UBP1: variants seen among roughly 807,000 people sequenced by gnomAD.
UBP1 encodes upstream-binding protein 1.
Under a neutral mutation model 76.1 loss-of-function variants are expected in UBP1, and 22 were observed. The observed-to-expected ratio is 0.29, with a 90% CI of 0.21 to 0.41. The LOEUF (loss-of-function observed/expected upper bound fraction) is 0.41. Among genes scored for constraint, UBP1 ranks in the 10% least tolerant of loss-of-function variants. UBP1 has a pLI of 1.00. For missense variants in UBP1, 436 were observed against 668.1 expected (o/e 0.65, Z 3.83); for synonymous variants, 224 against 237.1 (o/e 0.94, Z 0.51).
intron 8 of UBP1, among the ~76,000 whole-genome samples, chr3:33,408,396 G>A (rs1442452275): frequency 6.6e-6 from 1 of 152,070 alleles, no homozygotes; most frequent in Non-Finnish European, 1.5e-5. Flanking sequence ...GAGAGGGAGG[G>A]AAGGAGGAAG....
Position 33,410,667 on chromosome 3 carries a change from A to C in UBP1, c.555+914T>G, listed in dbSNP as rs532455174. On this transcript the variant is annotated intron_variant, in intron 5 of 15. Coordinates refer to ENST00000283629, the MANE Select transcript of UBP1 (RefSeq NM_014517.5). ...AAATTTGAACATTGTGGGTATTAGA[A>C]TCACTATTTTTTTTAAACACAGAAT... Among the ~76,000 whole-genome samples the C allele has an allele frequency of 7.2e-5, 11 of 152,318 alleles. No individual in the cohort carries two copies. In the East Asian group the frequency reaches 1.3e-3, roughly 19 times the overall value.
intron 2 of UBP1, 107 bp from the exon 3 acceptor site, chr3:33,416,941 T>C (rs915585070): frequency 1.9e-5 from 18 of 941,964 alleles, no homozygotes; most frequent in African/African-American, 1.7e-4. Flanking sequence ...ACAATGATAG[T>C]TTGTTAATTT....
intron 8 of UBP1, chr3:33,403,590 C>G (rs1487535246): frequency 6.6e-6 from 1 of 152,110 alleles, no homozygotes; most frequent in Non-Finnish European, 1.5e-5. Context: ...GTCTGTCTAT[C>G]TATCTATCTA....
intron 10 of UBP1, 55 bp downstream of exon 10, chr3:33,400,907 C>A: frequency 1.3e-6 from 2 of 1,548,894 alleles, no homozygotes; most frequent in Non-Finnish European, 1.7e-6. Flanking sequence ...AAAACCAAAA[C>A]TTTAAAATGT....
intron 15 of UBP1, chr3:33,391,471 A>G (rs531010250): frequency 6.6e-6 from 1 of 152,328 alleles, no homozygotes; most frequent in African/African-American, 2.4e-5. Flanking sequence ...GATATGCTGA[A>G]GGTTTCCAAA....
intron 1 of UBP1, among the ~76,000 whole-genome samples, chr3:33,438,424 TCACTAGAGAAG>T (rs1285628057): frequency 6.6e-6 from 1 of 152,190 alleles, no homozygotes; most frequent in Non-Finnish European, 1.5e-5. Flanking sequence ...GAGTGCGTTT[TCACTAGAGAAG>T]CACTGCCTCT....
In UBP1 at chr3:33,411,600, C is replaced by A. The variant is rs749748973; in HGVS notation, c.536G>T (p.Arg179Leu). ...AVEFLWDPAK[R>L]TSAFIQVHCI... ...CCAAACCTGAATGAAAGCAGAGGTG[C>A]GTTTTGCTGGGTCCCACAGAAATTC... is the stretch of plus-strand genomic sequence containing the variant. The change falls in exon 5 of 16, where the codon CGC (arginine) becomes CTC (leucine). Residue 179 changes from arginine to leucine, a missense_variant. Transcript: ENST00000283629. 1 of 1,614,072 alleles carries A rather than the reference C, an allele frequency of 6.2e-7. No homozygotes were observed.
intron 2 of UBP1, among the ~76,000 whole-genome samples, chr3:33,420,531 C>T (rs549959028): frequency 7.0e-6 from 1 of 142,922 alleles, no homozygotes; most frequent in East Asian, 2.1e-4. Flanking sequence ...ACACTGCCAT[C>T]AGGCTGGAGT....
chr3:33,425,889 A>C, intron 1 of UBP1, 148 bp from the exon 2 acceptor site: 1 of 647,104 alleles, frequency 1.5e-6, no homozygotes, highest in Non-Finnish European at 2.4e-6. Context: ...ATCAGAAATT[A>C]TATGTAGAAT....
intron 10 of UBP1, 103 bp downstream of exon 10, chr3:33,400,859 T>A (rs2044200182): frequency 3.6e-6 from 4 of 1,103,644 alleles, no homozygotes; most frequent in Admixed American, 2.4e-5. Flanking sequence ...TTACCATACA[T>A]GTAACAAAAC....
chr3:33,427,324 C>T (rs114963232), intron 1 of UBP1, among the ~76,000 whole-genome samples: 9 of 152,332 alleles, frequency 5.9e-5, no homozygotes, highest in Non-Finnish European at 1.3e-4. Context: ...AATAATTTTA[C>T]ATTTCCCCTA....
At position 33,388,668 on chromosome 3, in the gene UBP1, G is replaced by A. The variant is rs1002900141; in HGVS notation, c.*1663C>T. On this transcript the variant is annotated 3_prime_UTR_variant, in exon 16 of 16. Coordinates refer to ENST00000283629, the MANE Select transcript of UBP1 (RefSeq NM_014517.5). Reference sequence around the variant, plus strand: ...AAACTCACTTCTTTCCCCAGTGACTGGTACAGAAAACATGTGGTCACACGA... The same window carrying A: ...AAACTCACTTCTTTCCCCAGTGACTAGTACAGAAAACATGTGGTCACACGA... 30 of 152,076 alleles carry A rather than the reference G, an allele frequency of 2.0e-4. No homozygotes were observed. Among genetic ancestry groups the A allele is most frequent in the African/African-American group, 6.5e-4 (27 of 41,364 alleles). 9.4% of individuals were successfully genotyped at this position (152,076 alleles called of 1,614,324 possible).
intron 8 of UBP1, 42 bp downstream of exon 8, chr3:33,408,648 A>C (rs2044494263): frequency 6.4e-7 from 1 of 1,561,698 alleles, no homozygotes; most frequent in Admixed American, 1.9e-5. Context: ...AACACTGCAC[A>C]AGGTTTCTTG....
At chr3:33,396,314 A>C (rs1456289237) in intron 12 of UBP1, 34 bp from the exon 13 acceptor site, 1 of 1,508,638 alleles carries the variant, frequency 6.6e-7, no homozygotes, top group African/African-American at 1.4e-5. Context: ...TGAGCCTGGG[A>C]GAGAAAGCTG....
intron 2 of UBP1, among the ~76,000 whole-genome samples, chr3:33,422,728 G>A (rs1205566151): frequency 2.4e-5 from 3 of 127,374 alleles, no homozygotes; most frequent in Admixed American, 1.7e-4. Context: ...AAAAAGAGAG[G>A]GAGAAAGAAG....
At chr3:33,411,065 T>A (rs970156810) in intron 5 of UBP1, among the ~76,000 whole-genome samples, 7 of 122,232 alleles carry the variant, frequency 5.7e-5, no homozygotes, top group South Asian at 2.5e-4. Flanking sequence ...AGAATGAAAC[T>A]CCATCTCAAA....
In UBP1 at chr3:33,402,789, C is replaced by A; in HGVS notation, c.1031+12G>T. ...AGTTAGCTGCAGGCACACGATCACA[C>A]AAACTAGATACCTGTCTGGGACACT... On this transcript the variant is annotated intron_variant, in intron 9 of 15. Transcript: ENST00000283629. 6.5e-7 allele frequency: 1 copy of A among 1,534,248 alleles called. No homozygotes were observed. The highest frequency in any genetic ancestry group is 8.7e-7 in the Non-Finnish European group (1 of 1,143,334).
At chr3:33,390,578 C>G in intron 15 of UBP1, 1 of 599,506 alleles carries the variant, frequency 1.7e-6, no homozygotes, top group South Asian at 2.0e-5. Context: ...TTCTGCGAAG[C>G]CTGGCCCACT....
chr3:33,420,020 G>A (rs1333107786), intron 2 of UBP1, among the ~76,000 whole-genome samples: 1 of 152,096 alleles, frequency 6.6e-6, no homozygotes, highest in Non-Finnish European at 1.5e-5. Flanking sequence ...TAACTGTTGT[G>A]ATTCATGTCC....
Sources: gnomAD v4.1 joint callset for allele counts (sites outside exome capture counted in the v4.1 genomes callset) on GRCh38, gnomAD v4.1.1 for gene constraint, MANE v1.5 for transcripts, NCBI Gene and HGNC (gene_info 2026-07-23, HGNC 2026-07-21) for gene names.